MAF: variants seen among roughly 807,000 people sequenced by gnomAD.
MAF encodes the protein MAF bZIP transcription factor.
Under a neutral mutation model 22.0 loss-of-function variants are expected in MAF, and 10 were observed. The observed-to-expected ratio is 0.45, with a 90% CI of 0.28 to 0.77. The LOEUF is 0.77. Ranked by LOEUF, MAF falls within the 30% of genes least tolerant of loss-of-function variation. The pLI, the probability that MAF is intolerant of heterozygous loss-of-function variation, is 0.12. For synonymous variants in MAF, 337 were observed against 255.8 expected (o/e 1.32, Z -3.03); for missense variants, 544 against 548.4 (o/e 0.99, Z 0.08).
chr16:79,211,748 G>A, the MAF span: 1,225 of 1,614,202 alleles, frequency 7.6e-4, 3 homozygotes, highest in African/African-American at 3.9e-3. Flanking sequence ...CCCTGTGGGC[G>A]CTCAGCGAGA....
chr16:79,413,210 G>GTTGTTTT, the MAF span, among the ~76,000 whole-genome samples: 43 of 63,644 alleles, frequency 6.8e-4, 4 homozygotes, highest in Non-Finnish European at 1.0e-3. Context: ...GAGCTGTGCA[G>GTTGTTTT]TTTTTTTTTT....
the MAF span, among the ~76,000 whole-genome samples, chr16:79,290,364 A>G: frequency 3.9e-5 from 6 of 152,200 alleles, no homozygotes; most frequent in Admixed American, 6.5e-5. Context: ...ATCTTTCCCC[A>G]GGACTAGTTA....
chr16:79,572,230 G>C, the MAF span, among the ~76,000 whole-genome samples: 1 of 152,136 alleles, frequency 6.6e-6, no homozygotes, highest in Admixed American at 6.5e-5. Context: ...GAGTCTGGTA[G>C]CAACACCACA....
the MAF span, among the ~76,000 whole-genome samples, chr16:79,219,449 G>A: frequency 9.2e-5 from 14 of 151,642 alleles, no homozygotes; most frequent in African/African-American, 3.4e-4. Flanking sequence ...TACTCCGGAG[G>A]CTGAGGCAGG....
At chr16:79,298,595 C>T in the MAF span, among the ~76,000 whole-genome samples, 1 of 152,182 alleles carries the variant, frequency 6.6e-6, no homozygotes, top group Admixed American at 6.5e-5. Context: ...GGCAGAAATG[C>T]AGGAGAGTGG....
chr16:79,247,141 G>A, the MAF span, among the ~76,000 whole-genome samples: 1 of 152,208 alleles, frequency 6.6e-6, no homozygotes, highest in African/African-American at 2.4e-5. Flanking sequence ...GATATTTCAA[G>A]CAAGCTGCGA....
chr16:79,523,345 G>A, the MAF span, among the ~76,000 whole-genome samples: 1 of 152,196 alleles, frequency 6.6e-6, no homozygotes, highest in African/African-American at 2.4e-5. Flanking sequence ...GACTACAGAG[G>A]ACTTTTCTGT....
chr16:79,350,422 A>G, the MAF span, among the ~76,000 whole-genome samples: 6 of 152,226 alleles, frequency 3.9e-5, no homozygotes, highest in African/African-American at 1.4e-4. Context: ...TCTATAGCAG[A>G]TAAATGACAC....
At chr16:79,238,027 G>T in the MAF span, among the ~76,000 whole-genome samples, 7 of 152,140 alleles carry the variant, frequency 4.6e-5, no homozygotes, top group South Asian at 1.5e-3. Flanking sequence ...TTGACCTTCT[G>T]GATTTTGCTC....
the MAF span, among the ~76,000 whole-genome samples, chr16:79,370,087 T>G: frequency 6.6e-6 from 1 of 152,078 alleles, no homozygotes; most frequent in Non-Finnish European, 1.5e-5. Flanking sequence ...TCAACCTGAG[T>G]AGGCAAAGGA....
chr16:79,579,209 G>T, the MAF span, among the ~76,000 whole-genome samples: 3 of 152,132 alleles, frequency 2.0e-5, no homozygotes, highest in African/African-American at 7.2e-5. Flanking sequence ...GAAAAAGTAA[G>T]GGAATGTGAA....
At chr16:79,276,154 AAAG>A in the MAF span, among the ~76,000 whole-genome samples, 1 of 3,266 alleles carries the variant, frequency 3.1e-4, no homozygotes, top group Non-Finnish European at 2.0e-3. Flanking sequence ...AAAAAAAAAG[AAAG>A]AAAGAAAGAA....
chr16:79,203,758 C>G, the MAF span: 2 of 152,148 alleles, frequency 1.3e-5, no homozygotes, highest in South Asian at 2.1e-4. Flanking sequence ...TGAAGATATT[C>G]TTTGCGCTGT....
chr16:79,435,362 C>G, the MAF span, among the ~76,000 whole-genome samples: 1 of 152,144 alleles, frequency 6.6e-6, no homozygotes, highest in African/African-American at 2.4e-5. Flanking sequence ...GATTGAAAGC[C>G]TTGATGTTCC....
the MAF span, among the ~76,000 whole-genome samples, chr16:79,228,620 G>T: frequency 6.6e-6 from 1 of 152,010 alleles, no homozygotes; most frequent in African/African-American, 2.4e-5. Flanking sequence ...TGGCACCTTT[G>T]ATCATAAATG....
At chr16:79,422,608 G>T in the MAF span, among the ~76,000 whole-genome samples, 3 of 152,086 alleles carry the variant, frequency 2.0e-5, no homozygotes, top group Non-Finnish European at 4.4e-5. Flanking sequence ...GCCGTCCCTG[G>T]TATATACTTA....
At chr16:79,247,040 A>G in the MAF span, among the ~76,000 whole-genome samples, 2 of 152,238 alleles carry the variant, frequency 1.3e-5, no homozygotes, top group Non-Finnish European at 2.9e-5. Flanking sequence ...CTATGAGGAA[A>G]ATAAATCACA....
chr16:79,594,793 A>T, intron 1 of MAF: 2 of 1,310,544 alleles, frequency 1.5e-6, no homozygotes, highest in Non-Finnish European at 2.0e-6. Flanking sequence ...AATGCCTTTT[A>T]CTAGGAGTTA....
At chr16:79,509,215 C>G in the MAF span, among the ~76,000 whole-genome samples, 2 of 152,140 alleles carry the variant, frequency 1.3e-5, no homozygotes, top group Non-Finnish European at 2.9e-5. Context: ...GCATTCTAAG[C>G]AGAAGCAGAA....
Sources: allele counts gnomAD v4.1 joint callset (sites outside exome capture counted in the v4.1 genomes callset), GRCh38; gene constraint gnomAD v4.1.1; transcripts MANE v1.5; gene names NCBI Gene and HGNC (gene_info 2026-07-23, HGNC 2026-07-21).